SLC10A7: variants seen among roughly 807,000 people sequenced by gnomAD.
The protein encoded by SLC10A7 is sodium/bile acid cotransporter 7.
A neutral mutation model predicts 43.2 loss-of-function variants in SLC10A7; 29 were observed. The observed-to-expected ratio is 0.67, with a 90% CI of 0.50 to 0.92. The LOEUF (loss-of-function observed/expected upper bound fraction) is 0.92, where lower values mean the gene tolerates loss of function less well. Ranked by LOEUF, SLC10A7 falls within the 40% of genes least tolerant of loss-of-function variation. The probability of loss-of-function intolerance (pLI) is 0.00; values close to 1 mark genes in which losing one functional copy is unlikely to be tolerated. For missense variants in SLC10A7, 295 were observed against 403.2 expected, an observed-to-expected ratio of 0.73 and a Z score of 2.30; for synonymous variants, 152 against 144.8, an observed-to-expected ratio of 1.05 and a Z score of -0.35.
intron 5 of SLC10A7, among the ~76,000 whole-genome samples, chr4:146,359,424 C>A (rs187605587): frequency 6.6e-6 from 1 of 151,890 alleles, no homozygotes; most frequent in South Asian, 2.1e-4. Flanking sequence ...TATATAGTTA[C>A]GTTTTTGTGA....
At chr4:146,469,096 A>G (rs1222728290) in intron 4 of SLC10A7, among the ~76,000 whole-genome samples, 1 of 152,154 alleles carries the variant, frequency 6.6e-6, no homozygotes, top group African/African-American at 2.4e-5. Context: ...GAGCACAGTC[A>G]CTGGAGAGGC....
At chr4:146,271,858 G>A (rs928407248) in intron 10 of SLC10A7, among the ~76,000 whole-genome samples, 4 of 152,032 alleles carry the variant, frequency 2.6e-5, no homozygotes, top group African/African-American at 7.2e-5. Flanking sequence ...CTCCTTCCCC[G>A]AAATATCCAC....
chr4:146,331,237 A>T (rs1423772166), intron 5 of SLC10A7, among the ~76,000 whole-genome samples: 1 of 152,210 alleles, frequency 6.6e-6, no homozygotes, highest in Non-Finnish European at 1.5e-5. Context: ...AAACTTGGAA[A>T]TGAGGCAACA....
intron 10 of SLC10A7, among the ~76,000 whole-genome samples, chr4:146,267,939 T>C (rs778611115): frequency 3.9e-5 from 6 of 152,026 alleles, no homozygotes; most frequent in Non-Finnish European, 7.4e-5. Flanking sequence ...CTTGCACCAG[T>C]TTATCAGATA....
chr4:146,311,051 T>C (rs1731944072), intron 6 of SLC10A7, among the ~76,000 whole-genome samples: 1 of 152,026 alleles, frequency 6.6e-6, no homozygotes, highest in Non-Finnish European at 1.5e-5. Context: ...CTCCCAAGGA[T>C]GGTACATAAC....
chr4:146,326,050 T>C (rs1335103558), intron 5 of SLC10A7, 54 bp from the exon 6 acceptor site: 21 of 1,536,058 alleles, frequency 1.4e-5, no homozygotes, highest in Non-Finnish European at 1.9e-5. Flanking sequence ...AGCAGGACAC[T>C]TTCTTTGCCA....
chr4:146,469,368 C>A (rs550130825), intron 4 of SLC10A7, among the ~76,000 whole-genome samples: 1 of 152,158 alleles, frequency 6.6e-6, no homozygotes, highest in East Asian at 1.9e-4. Flanking sequence ...TGCCAAAGGG[C>A]ACATGGGAAA....
intron 4 of SLC10A7, among the ~76,000 whole-genome samples, chr4:146,450,935 A>C (rs969552927): frequency 2.3e-4 from 35 of 152,012 alleles, no homozygotes; most frequent in Non-Finnish European, 4.3e-4. Context: ...AAAAATTTTA[A>C]ACAATGTGAG....
intron 6 of SLC10A7, among the ~76,000 whole-genome samples, chr4:146,314,191 C>A (rs941641900): frequency 6.6e-6 from 1 of 152,108 alleles, no homozygotes; most frequent in Admixed American, 6.6e-5. Flanking sequence ...GCTAGTCATG[C>A]CTGTTACGTG....
intron 5 of SLC10A7, among the ~76,000 whole-genome samples, chr4:146,343,511 A>C (rs1285598504): frequency 6.6e-6 from 1 of 152,036 alleles, no homozygotes; most frequent in Non-Finnish European, 1.5e-5. Flanking sequence ...ATGCTTCTCA[A>C]TTGTCCTTCT....
At chr4:146,287,504 T>C (rs1730114604) in intron 9 of SLC10A7, among the ~76,000 whole-genome samples, 1 of 152,162 alleles carries the variant, frequency 6.6e-6, no homozygotes, top group Non-Finnish European at 1.5e-5. Flanking sequence ...GCAAGTTATG[T>C]CAGAGATTTT....
At chr4:146,377,816 CT>C (rs1406076081) in intron 5 of SLC10A7, among the ~76,000 whole-genome samples, 1 of 152,096 alleles carries the variant, frequency 6.6e-6, no homozygotes, top group Non-Finnish European at 1.5e-5. Flanking sequence ...GGAACAGTGC[CT>C]GGTACAAAGT....
In SLC10A7 at chr4:146,503,486, T is replaced by C. The variant is rs75391769; in HGVS notation, c.396+363A>G. Among the ~76,000 whole-genome samples, 1,021 of 152,324 alleles carry C rather than the reference T, an allele frequency of 6.7e-3. 3 individuals are homozygous for C. The highest frequency in any genetic ancestry group is 0.017 in the Middle Eastern group (5 of 294). ...ACTTTTCCCCATCAATTTAGTTTGT[T>C]AACAAATTTTTTGGAGATAAGGAAT... On this transcript the variant is annotated intron_variant, in intron 4 of 11. Transcript: ENST00000335472.
rs950860000 is a variant in SLC10A7 at position 146,353,925 on chromosome 4, A to T, written c.436-27929T>A. On this transcript the variant is annotated intron_variant, in intron 5 of 11. Transcript: ENST00000335472. ...AGCTATCTATGACAAACCCACAGCC[A>T]ATATCATACTGAATGGGCAAAAACT... Among the ~76,000 whole-genome samples, 108 of 137,956 alleles carry T rather than the reference A, an allele frequency of 7.8e-4. 2 individuals carry two copies. The highest frequency in any genetic ancestry group is 1.5e-3 in the Non-Finnish European group (94 of 64,518). 90.5% of individuals were successfully genotyped at this position (137,956 alleles called of 152,430 possible). A position where few individuals can be genotyped will look rare whatever the true frequency, so the allele number is the denominator to read the frequency against.
chr4:146,256,604 T>C, intron 11 of SLC10A7, 84 bp from the exon 12 acceptor site: 5 of 1,475,524 alleles, frequency 3.4e-6, no homozygotes, highest in Non-Finnish European at 4.7e-6. Context: ...TAATTTATGC[T>C]ATTAGAAGGA....
intron 5 of SLC10A7, among the ~76,000 whole-genome samples, chr4:146,420,113 G>T (rs544948623): frequency 6.6e-6 from 1 of 152,188 alleles, no homozygotes; most frequent in Non-Finnish European, 1.5e-5. Flanking sequence ...AAACAGAGAG[G>T]AGAATTAATG....
At chr4:146,271,911 C>T (rs979360104) in intron 10 of SLC10A7, among the ~76,000 whole-genome samples, 1 of 152,104 alleles carries the variant, frequency 6.6e-6, no homozygotes, top group Non-Finnish European at 1.5e-5. Flanking sequence ...ACCCAATGTG[C>T]CCTTTAAGGC....
chr4:146,449,137 G>A (rs1379525638), intron 4 of SLC10A7, among the ~76,000 whole-genome samples: 1 of 152,142 alleles, frequency 6.6e-6, no homozygotes, highest in Non-Finnish European at 1.5e-5. Flanking sequence ...CACCCTGTAA[G>A]AGTTCTTAGG....
chr4:146,405,745 C>T (rs982573596), intron 5 of SLC10A7, among the ~76,000 whole-genome samples: 1 of 151,890 alleles, frequency 6.6e-6, no homozygotes, highest in Non-Finnish European at 1.5e-5. Context: ...TCTGGAAGGC[C>T]TAGCAAATAA....
Sources: allele counts gnomAD v4.1 joint callset (sites outside exome capture counted in the v4.1 genomes callset), GRCh38; gene constraint gnomAD v4.1.1; transcripts MANE v1.5; gene names NCBI Gene and HGNC (gene_info 2026-07-23, HGNC 2026-07-21).